CDH18: variants seen among roughly 807,000 people sequenced by gnomAD.
The protein encoded by CDH18 is cadherin 18, also known as cadherin-18.
CDH18 carries 31 observed loss-of-function variants against 67.9 expected under a neutral mutation model. The observed-to-expected ratio is 0.46, with a 90% CI of 0.34 to 0.62. The LOEUF (loss-of-function observed/expected upper bound fraction) is 0.62. Ranked by LOEUF, CDH18 falls within the 20% of genes least tolerant of loss-of-function variation. The pLI, the probability that CDH18 is intolerant of heterozygous loss-of-function variation, is 0.01. For missense variants in CDH18, 890 were observed against 975.5 expected (o/e 0.91, Z 1.17); for synonymous variants, 362 against 347.2 (o/e 1.04, Z -0.48).
chr5:19,834,692 T>A (rs966069614), intron 3 of CDH18, among the ~76,000 whole-genome samples: 13 of 152,158 alleles, frequency 8.5e-5, no homozygotes, highest in African/African-American at 3.1e-4. Context: ...AACACTGCTT[T>A]AGCTGTGTCC....
intron 6 of CDH18, among the ~76,000 whole-genome samples, chr5:19,602,493 A>T (rs1223981998): frequency 1.3e-5 from 2 of 152,152 alleles, no homozygotes; most frequent in African/African-American, 4.8e-5. Flanking sequence ...CAATCTTTTA[A>T]ATAGGCAAAG....
intron 1 of CDH18, among the ~76,000 whole-genome samples, chr5:20,404,029 G>A (rs538858825): frequency 7.2e-5 from 11 of 152,264 alleles, no homozygotes; most frequent in East Asian, 3.9e-4. Flanking sequence ...TTCACTTTGC[G>A]TATCTCCATT....
At chr5:19,579,210 G>A (rs1469932059) in intron 7 of CDH18, among the ~76,000 whole-genome samples, 1 of 151,780 alleles carries the variant, frequency 6.6e-6, no homozygotes, top group Non-Finnish European at 1.5e-5. Context: ...TGTATATATT[G>A]TGATTTCTTC....
intron 1 of CDH18, among the ~76,000 whole-genome samples, chr5:20,433,958 T>C (rs1395152502): frequency 1.3e-5 from 2 of 151,970 alleles, no homozygotes; most frequent in Admixed American, 6.6e-5. Context: ...ATGAGAAAAG[T>C]AGTGAAAGTT....
chr5:19,747,001 T>C lies in CDH18; in HGVS notation c.464A>G (p.Asn155Ser), dbSNP rs1700492919. Reference sequence around the variant, plus strand: ...TGGTCCATCTGTGAATTTTGGAGCGTTGTCATTGATGTCTTGCACTTTGAT... The same window carrying C: ...TGGTCCATCTGTGAATTTTGGAGCGCTGTCATTGATGTCTTGCACTTTGAT... ...FIIKVQDIND[N>S]APKFTDGPYI... The change falls in exon 4 of 13, where the codon AAC becomes AGC. Residue 155 changes from asparagine (N) to serine (S), a missense_variant. Physicochemically the swap from Asn to Ser is conservative, Grantham distance 46 (BLOSUM62 1). Around this residue, in one of 2 missense-constraint regions of CDH18, gnomAD observed 234 missense variants for 307.4 expected, o/e 0.76. Coordinates refer to ENST00000382275, the MANE Select transcript of CDH18 (RefSeq NM_004934.5). 6.2e-7 allele frequency: 1 copy of C among 1,614,174 alleles called. No individual in the cohort carries two copies. Among genetic ancestry groups the C allele is most frequent in the Non-Finnish European group, 8.5e-7 (1 of 1,180,022 alleles).
intron 2 of CDH18, among the ~76,000 whole-genome samples, chr5:19,940,560 G>A (rs1227428832): frequency 6.6e-6 from 1 of 152,024 alleles, no homozygotes; most frequent in Non-Finnish European, 1.5e-5. Context: ...CATCATTTGT[G>A]TCTTATTCAC....
chr5:20,305,287 C>T (rs1419267831), intron 1 of CDH18: 1 of 1,484,598 alleles, frequency 6.7e-7, no homozygotes, highest in Non-Finnish European at 9.4e-7. Context: ...TTTAAAGCCT[C>T]CTCTACTGTC....
intron 1 of CDH18, among the ~76,000 whole-genome samples, chr5:20,540,290 T>G (rs2126586111): frequency 6.6e-6 from 1 of 152,226 alleles, no homozygotes; most frequent in African/African-American, 2.4e-5. Context: ...CAGATAGTAC[T>G]AAATTTCAAA....
chr5:20,149,460 CA>C, intron 2 of CDH18, among the ~76,000 whole-genome samples: 1 of 152,186 alleles, frequency 6.6e-6, no homozygotes, highest in East Asian at 1.9e-4. Flanking sequence ...TGATATCGGA[CA>C]GGGTAGTGAA....
intron 5 of CDH18, among the ~76,000 whole-genome samples, chr5:19,665,499 G>A (rs968364030): frequency 6.6e-6 from 1 of 152,024 alleles, no homozygotes; most frequent in South Asian, 2.1e-4. Flanking sequence ...ATTCGTGTTG[G>A]TTAGACAGTA....
At chr5:20,415,497 G>A (rs1747219156) in intron 1 of CDH18, among the ~76,000 whole-genome samples, 1 of 152,174 alleles carries the variant, frequency 6.6e-6, no homozygotes, top group Non-Finnish European at 1.5e-5. Flanking sequence ...AATCTGACTG[G>A]TTGCGGTGGC....
intron 3 of CDH18, among the ~76,000 whole-genome samples, chr5:19,795,402 C>T (rs929261875): frequency 6.6e-6 from 1 of 152,138 alleles, no homozygotes; most frequent in African/African-American, 2.4e-5. Context: ...AATGGAATTG[C>T]TCCACATGAT....
rs75555769 is a variant in CDH18 at position 20,092,089 on chromosome 5, C to T, written c.-517-100075G>A. Among the ~76,000 whole-genome samples the T allele has an allele frequency of 2.5e-4, 38 of 152,054 alleles. No individual in the cohort carries two copies. The East Asian group carries it at 7.2e-3, about 29-fold the overall frequency. On this transcript the variant is annotated intron_variant, in intron 2 of 14. Transcript: ENST00000507958. ...CATTAAGGTAATTGCATTTTTTTTA[C>T]TGTAGTATAAGATGCTGCAACAGTG...
chr5:20,151,190 T>C (rs1194011312), intron 2 of CDH18, among the ~76,000 whole-genome samples: 1 of 152,030 alleles, frequency 6.6e-6, no homozygotes, highest in African/African-American at 2.4e-5. Flanking sequence ...CTATTGATTT[T>C]ATATGTGCTC....
chr5:20,129,841 G>A (rs551565371), intron 2 of CDH18, among the ~76,000 whole-genome samples: 1 of 152,074 alleles, frequency 6.6e-6, no homozygotes, highest in Admixed American at 6.5e-5. Flanking sequence ...TACTGATAGA[G>A]AAGTAAAATA....
chr5:19,804,215 T>A (rs547443168), intron 3 of CDH18, among the ~76,000 whole-genome samples: 48 of 150,334 alleles, frequency 3.2e-4, no homozygotes, highest in African/African-American at 1.1e-3. Flanking sequence ...GGCAAGAGAA[T>A]GGCGTGAAGC....
chr5:20,308,295 C>G lies in CDH18; in HGVS notation c.-579-52790G>C, dbSNP rs571330967. On this transcript the variant is annotated intron_variant, in intron 1 of 14. Transcript: ENST00000507958. ...TGGTGGCTCACGACTGTAATCCCAG[C>G]ACTTTGGGAGGCCGAGGTGGGTAGA... Among the ~76,000 whole-genome samples, 7 of 152,066 alleles carry G rather than the reference C, an allele frequency of 4.6e-5. No homozygotes were observed. The East Asian group carries it at 1.4e-3, about 29-fold the overall frequency.
chr5:19,706,446 A>G (rs1299326887), intron 5 of CDH18, among the ~76,000 whole-genome samples: 1 of 152,242 alleles, frequency 6.6e-6, no homozygotes, highest in African/African-American at 2.4e-5. Context: ...AACTTGCCAC[A>G]TGGTGCATTC....
chr5:20,462,158 A>G (rs1751309312), intron 1 of CDH18, among the ~76,000 whole-genome samples: 1 of 152,236 alleles, frequency 6.6e-6, no homozygotes, highest in African/African-American at 2.4e-5. Context: ...GAAATGTGGC[A>G]AGTATACATA....
Sources: allele counts gnomAD v4.1 joint callset (sites outside exome capture counted in the v4.1 genomes callset), GRCh38; gene constraint gnomAD v4.1.1; regional missense constraint gnomAD v4.1.1; transcripts MANE v1.5; gene names NCBI Gene and HGNC (gene_info 2026-07-23, HGNC 2026-07-21).